GAPVD1: variants seen among roughly 807,000 people sequenced by gnomAD.
The protein encoded by GAPVD1 is GTPase activating protein and VPS9 domains 1.
In GAPVD1, 35 loss-of-function variants were observed where a neutral mutation model predicts 155.5. The observed-to-expected ratio is 0.23, with a 90% confidence interval of 0.17 to 0.30. The LOEUF (loss-of-function observed/expected upper bound fraction) is 0.30. Ranked by LOEUF, GAPVD1 falls within the 10% of genes least tolerant of loss-of-function variation. GAPVD1 has a pLI of 1.00. For synonymous variants in GAPVD1, 636 were observed against 619.7 expected (o/e 1.03, Z -0.39); for missense variants, 1,429 against 1,775.7 (o/e 0.80, Z 3.51).
intron 8 of GAPVD1, chr9:125,308,610 A>G (rs1842215093): frequency 6.6e-6 from 1 of 152,122 alleles, no homozygotes; most frequent in Non-Finnish European, 1.5e-5. Flanking sequence ...AACATTTGCT[A>G]TCTATCTGTC....
intron 12 of GAPVD1, among the ~76,000 whole-genome samples, chr9:125,328,836 C>T (rs540707707): frequency 4.6e-4 from 14 of 30,302 alleles, no homozygotes; most frequent in Admixed American, 3.3e-3. Context: ...GGGGCTGACC[C>T]CCCCCCCACC....
chr9:125,314,286 A>G (rs555092668), intron 9 of GAPVD1, among the ~76,000 whole-genome samples: 9 of 152,184 alleles, frequency 5.9e-5, no homozygotes, highest in Non-Finnish European at 1.3e-4. Context: ...AAGAAAATAA[A>G]TTTTTTTAAG....
chr9:125,306,754 A>G (rs2131044056), intron 6 of GAPVD1, among the ~76,000 whole-genome samples: 1 of 152,278 alleles, frequency 6.6e-6, no homozygotes, highest in South Asian at 2.1e-4. Flanking sequence ...TGGCCTCCCA[A>G]AGTGCTGGGA....
At chr9:125,293,880 A>AAAAATATATTT (rs1564312137) in intron 2 of GAPVD1, among the ~76,000 whole-genome samples, 3 of 20,396 alleles carry the variant, frequency 1.5e-4, no homozygotes, top group Non-Finnish European at 2.9e-4. Context: ...ATATATATAT[A>AAAAATATATTT]TATATATATA....
intron 25 of GAPVD1, among the ~76,000 whole-genome samples, chr9:125,356,542 A>AT (rs1317204092): frequency 6.6e-6 from 1 of 151,986 alleles, no homozygotes; most frequent in African/African-American, 2.4e-5. Flanking sequence ...CCCAGGCTGG[A>AT]GTGCAGTGGC....
chr9:125,358,936 C>T (rs1850513703), intron 25 of GAPVD1, among the ~76,000 whole-genome samples: 1 of 152,256 alleles, frequency 6.6e-6, no homozygotes, highest in African/African-American at 2.4e-5. Flanking sequence ...GCCCCTGTTA[C>T]TGACACCTGT....
rs370776693 is a variant in GAPVD1 at position 125,328,454 on chromosome 9, T to C, written c.2033-1624T>C. The stretch of plus-strand genomic sequence containing the variant: ...CTGTTTAACAAAGCACATCTTGCAC[T>C]GCCCTTAATCCATTTAACCCTGAGT... On this transcript the variant is annotated intron_variant, in intron 12 of 27. Coordinates refer to ENST00000297933, the MANE Select transcript of GAPVD1 (RefSeq NM_001282680.3). 1.9e-3 allele frequency among the ~76,000 whole-genome samples: 252 copies of C among 135,690 alleles called. 2 individuals are homozygous for C. Among genetic ancestry groups the C allele is most frequent in the African/African-American group, 5.8e-3 (188 of 32,336 alleles). The allele number at this position is 135,690 out of a possible 152,430, so 89.0% of individuals were successfully genotyped here. A position where few individuals can be genotyped will look rare whatever the true frequency, so the allele number is the denominator to read the frequency against.
chr9:125,299,183 T>G, intron 4 of GAPVD1, 77 bp downstream of exon 4: 2 of 732,978 alleles, frequency 2.7e-6, no homozygotes, highest in Non-Finnish European at 4.4e-6. Flanking sequence ...TATAAATAAA[T>G]GAATCTGTTT....
In GAPVD1 at chr9:125,305,555, G is replaced by C. The variant is rs1841645386; in HGVS notation, c.1116+406G>C. Among the ~76,000 whole-genome samples the C allele has an allele frequency of 2.0e-5, 3 of 152,204 alleles. No homozygotes were observed. In the South Asian group the frequency reaches 6.2e-4, roughly 32 times the overall value. ...CCGGCTAATTTTTGTATTTTTAGTAGAGACGGGGTTTCACCTTCTTGGCCA... is the reference window on the plus strand; with the variant it reads ...CCGGCTAATTTTTGTATTTTTAGTACAGACGGGGTTTCACCTTCTTGGCCA... On this transcript the variant is annotated intron_variant, in intron 6 of 27. Coordinates refer to ENST00000297933, the MANE Select transcript of GAPVD1 (RefSeq NM_001282680.3).
At chr9:125,347,542 G>A (rs1331644213) in intron 20 of GAPVD1, among the ~76,000 whole-genome samples, 4 of 152,070 alleles carry the variant, frequency 2.6e-5, no homozygotes, top group Non-Finnish European at 5.9e-5. Context: ...CCTGGCCAAT[G>A]TGGCAAAACC....
chr9:125,301,438 TTTTC>T (rs766007945), intron 4 of GAPVD1, among the ~76,000 whole-genome samples: 15 of 152,000 alleles, frequency 9.9e-5, no homozygotes, highest in African/African-American at 2.4e-4. Context: ...AAACTGATAA[TTTTC>T]TTTCTTTCTT....
In GAPVD1 at chr9:125,354,692, G is replaced by A. The variant is rs746325607; in HGVS notation, c.3608G>A (p.Arg1203Gln). 8 of 1,613,392 alleles carry A rather than the reference G, an allele frequency of 5.0e-6. No homozygotes were observed. Among genetic ancestry groups the A allele is most frequent in the South Asian group, 2.2e-5 (2 of 91,032 alleles). ...TATATTGCTTATCTCACTCGTTGTC[G>A]ACAAGGACTACAGACCACACAGGCT... ...APYIAYLTRC[R>Q]QGLQTTQAHL... Residue 1203 changes from arginine (R) to glutamine (Q), a missense_variant, in exon 24 of 28, where the codon CGA becomes CAA. This residue lies in a region of GAPVD1 where 699 missense variants were observed against 826.0 expected (regional missense o/e 0.85). Coordinates refer to ENST00000297933, the MANE Select transcript of GAPVD1 (RefSeq NM_001282680.3).
At chr9:125,279,580 A>T (rs1588599626) in intron 2 of GAPVD1, among the ~76,000 whole-genome samples, 1 of 151,792 alleles carries the variant, frequency 6.6e-6, no homozygotes, top group Middle Eastern at 3.4e-3. Flanking sequence ...CAAAAAAAAA[A>T]AAAAAAATTA....
rs1415024558 is a variant in GAPVD1, at chr9:125,350,225, A to G, written c.3300-70A>G. The stretch of plus-strand genomic sequence containing the variant: ...GAGTCCTAAGGTAACATTAATTTAT[A>G]TAGTAAATATTTGTAAAATGTGACC... On this transcript the variant is annotated intron_variant, in intron 21 of 27. Coordinates refer to ENST00000297933, the MANE Select transcript of GAPVD1 (RefSeq NM_001282680.3). 10 of 877,498 alleles carry G rather than the reference A, an allele frequency of 1.1e-5. No individual in the cohort carries two copies. The East Asian group carries it at 2.3e-4, about 20-fold the overall frequency. The allele number at this position is 877,498 out of a possible 1,614,324, so 54.4% of individuals were successfully genotyped here.
rs778349706 is a variant in GAPVD1 at position 125,323,836 on chromosome 9, C to A, written c.1771C>A (p.Leu591Ile). 1 of 1,612,686 alleles carries A rather than the reference C, an allele frequency of 6.2e-7. No homozygotes were observed. Among genetic ancestry groups the A allele is most frequent in the Admixed American group, 1.7e-5 (1 of 60,012 alleles). Residue 591 changes from leucine to isoleucine, a missense_variant, in exon 11 of 28, where the codon CTA becomes ATA. By Grantham distance (5) the Leu-to-Ile change is conservative. Coordinates refer to ENST00000297933, the MANE Select transcript of GAPVD1 (RefSeq NM_001282680.3). ...NRSNSVSSLD[L>I]EGESVSELGA... ...CTCCAATTCAGTGTCCTCCCTAGAC[C>A]TAGAAGGAGAGTCTGTGTCAGAACT...
intron 11 of GAPVD1, among the ~76,000 whole-genome samples, chr9:125,324,432 A>C (rs1844839581): frequency 6.6e-6 from 1 of 152,116 alleles, no homozygotes; most frequent in South Asian, 2.1e-4. Flanking sequence ...CTCTACTGAA[A>C]ATACAAAATT....
intron 12 of GAPVD1, 64 bp downstream of exon 12, chr9:125,326,653 T>A (rs1414074953): frequency 8.6e-7 from 1 of 1,161,544 alleles, no homozygotes; most frequent in Non-Finnish European, 1.3e-6. Flanking sequence ...CAACCTTTCA[T>A]GGGAGGGAGC....
rs749550521 is a variant in GAPVD1, at chr9:125,362,573, T to A, written c.4243-33T>A. On this transcript the variant is annotated intron_variant, in intron 27 of 27. Coordinates refer to ENST00000297933, the MANE Select transcript of GAPVD1 (RefSeq NM_001282680.3). Reference sequence around the variant, plus strand: ...TTTTGGCAGAGCTATGACATCTGAGTAATTGATTCTTTTTTATTTTTCACT... The same window carrying A: ...TTTTGGCAGAGCTATGACATCTGAGAAATTGATTCTTTTTTATTTTTCACT... 8 of 1,552,930 alleles carry A rather than the reference T, an allele frequency of 5.2e-6. No homozygotes were observed. The South Asian group carries it at 8.5e-5, about 16-fold the overall frequency.
chr9:125,346,995 G>A (rs755703643), intron 20 of GAPVD1, 54 bp downstream of exon 20: 3 of 1,577,258 alleles, frequency 1.9e-6, no homozygotes, highest in South Asian at 2.2e-5. Context: ...TAGTGATAAA[G>A]GTAATCTGAA....
Sources: gnomAD v4.1 joint callset for allele counts (sites outside exome capture counted in the v4.1 genomes callset) on GRCh38, gnomAD v4.1.1 for gene constraint, gnomAD v4.1.1 regional missense constraint, MANE v1.5 for transcripts, NCBI Gene and HGNC (gene_info 2026-07-23, HGNC 2026-07-21) for gene names.